GFPT2: variants seen among roughly 807,000 people sequenced by gnomAD.
GFPT2 encodes the protein glutamine--fructose-6-phosphate aminotransferase [isomerizing] 2.
GFPT2 carries 62 observed loss-of-function variants against 85.6 expected under a neutral mutation model. That is an observed-to-expected ratio of 0.72 (90% CI 0.59 to 0.90). The LOEUF is 0.90. Ranked by LOEUF, GFPT2 falls within the 40% of genes least tolerant of loss-of-function variation. The pLI is 0.00. For missense variants in GFPT2, 788 were observed against 893.4 expected, an observed-to-expected ratio of 0.88 and a Z score of 1.50; for synonymous variants, 368 against 344.5, an observed-to-expected ratio of 1.07 and a Z score of -0.75.
intron 4 of GFPT2, among the ~76,000 whole-genome samples, chr5:180,332,099 C>G (rs1212881801): frequency 6.6e-6 from 1 of 152,228 alleles, no homozygotes; most frequent in Non-Finnish European, 1.5e-5. Flanking sequence ...TCTGGCATCC[C>G]CAGGCTCAGC....
intron 1 of GFPT2, among the ~76,000 whole-genome samples, chr5:180,343,446 G>C (rs1205809777): frequency 6.6e-6 from 1 of 152,260 alleles, no homozygotes; most frequent in African/African-American, 2.4e-5. Context: ...CAGGGGAGCT[G>C]ACTGCAGTGA....
intron 14 of GFPT2, among the ~76,000 whole-genome samples, chr5:180,313,352 G>C (rs1763932179): frequency 6.6e-6 from 1 of 151,684 alleles, no homozygotes; most frequent in Non-Finnish European, 1.5e-5. Context: ...AGCACTTTGG[G>C]AGGCCGAGGC....
chr5:180,331,197 T>C (rs1484073795), intron 5 of GFPT2, among the ~76,000 whole-genome samples: 1 of 152,260 alleles, frequency 6.6e-6, no homozygotes. Context: ...TCCGCCGGTA[T>C]ACGAGTCGCT....
At chr5:180,329,406 T>C (rs1466918075) in intron 6 of GFPT2, among the ~76,000 whole-genome samples, 1 of 152,240 alleles carries the variant, frequency 6.6e-6, no homozygotes, top group Non-Finnish European at 1.5e-5. Context: ...AGCCCGGTAC[T>C]GTCCCAGGTA....
intron 15 of GFPT2, 71 bp downstream of exon 15, chr5:180,312,359 G>A (rs1239794881): frequency 1.2e-6 from 1 of 821,626 alleles, no homozygotes; most frequent in Non-Finnish European, 2.2e-6. Flanking sequence ...GTACAGGTGA[G>A]AGTCAACAGA....
At position 180,304,575 on chromosome 5, in the gene GFPT2, G is replaced by T. The variant is rs184421560; in HGVS notation, c.1842+197C>A. Among the ~76,000 whole-genome samples, 237 of 152,366 alleles carry T rather than the reference G, an allele frequency of 1.6e-3. 2 individuals carry two copies. Among genetic ancestry groups the T allele is most frequent in the Middle Eastern group, 6.8e-3 (2 of 294 alleles). ...GTGGGTCCCTGGGCCCCACCAAAGA[G>T]CTGTGTGGGACAGCTGCGGGCTGAC... is the stretch of plus-strand genomic sequence containing the variant. On this transcript the variant is annotated intron_variant, in intron 17 of 18. Transcript: ENST00000253778.
chr5:180,321,855 C>T (rs1764129052), intron 9 of GFPT2, among the ~76,000 whole-genome samples: 1 of 152,236 alleles, frequency 6.6e-6, no homozygotes, highest in African/African-American at 2.4e-5. Flanking sequence ...GCGATCTCGG[C>T]TCACTGCAAG....
At chr5:180,304,727 G>T in intron 17 of GFPT2, 45 bp downstream of exon 17, 1 of 1,553,840 alleles carries the variant, frequency 6.4e-7, no homozygotes. Context: ...GCATGCATGG[G>T]GAAAAGCAGG....
At chr5:180,349,243 G>A (rs1014482825) in intron 1 of GFPT2, among the ~76,000 whole-genome samples, 1 of 151,960 alleles carries the variant, frequency 6.6e-6, no homozygotes, top group Admixed American at 6.5e-5. Flanking sequence ...GGAGTTCAAG[G>A]ATGCAGTGAG....
chr5:180,331,500 AT>A lies in GFPT2; in HGVS notation c.393del (p.Lys131AsnfsTer22), dbSNP rs1208402688. ...GIITNYKDLR[K>X]FLESKGYEFE... is the part of the protein sequence containing the mutation. ...ACCTAGGGGAAGCATCTTACCAGAA[AT>A]TTCCTCAGATCTTTGTAATTTGTGA... On this transcript the variant is annotated frameshift_variant, in exon 5 of 19. Coordinates refer to ENST00000253778, the MANE Select transcript of GFPT2 (RefSeq NM_005110.4). LOFTEE classifies it high-confidence loss of function. 1.9e-6 allele frequency: 3 copies of A among 1,577,104 alleles called. No homozygotes were observed. Among genetic ancestry groups the A allele is most frequent in the Admixed American group, 3.3e-5 (2 of 59,908 alleles).
At chr5:180,326,016 C>T (rs1177941211) in intron 7 of GFPT2, among the ~76,000 whole-genome samples, 4 of 148,006 alleles carry the variant, frequency 2.7e-5, no homozygotes, top group African/African-American at 9.9e-5. Context: ...CAAAGCGAGA[C>T]TCCATCTCTA....
chr5:180,317,504 A>C (rs992730276), intron 10 of GFPT2, among the ~76,000 whole-genome samples: 2 of 151,648 alleles, frequency 1.3e-5, no homozygotes, highest in Non-Finnish European at 2.9e-5. Flanking sequence ...TCACGCCTGT[A>C]ATCCCAGCAC....
chr5:180,314,100 C>T (rs566392277), intron 13 of GFPT2, 136 bp from the exon 14 acceptor site: 9 of 780,670 alleles, frequency 1.2e-5, no homozygotes, highest in Admixed American at 3.1e-5. Flanking sequence ...GAAAGGAAAA[C>T]GCTCGCTCAA....
intron 9 of GFPT2, among the ~76,000 whole-genome samples, chr5:180,322,139 A>G (rs910948320): frequency 2.6e-5 from 4 of 152,200 alleles, no homozygotes; most frequent in Non-Finnish European, 2.9e-5. Context: ...GGTAGAGTCA[A>G]TATTTTTTAA....
chr5:180,325,846 G>A (rs950110213), intron 7 of GFPT2, among the ~76,000 whole-genome samples: 6 of 152,146 alleles, frequency 3.9e-5, no homozygotes, highest in Admixed American at 1.3e-4. Flanking sequence ...CCAACATGGC[G>A]GAACCCTGTC....
intron 1 of GFPT2, among the ~76,000 whole-genome samples, chr5:180,350,899 G>A (rs922625739): frequency 6.6e-6 from 1 of 152,180 alleles, no homozygotes; most frequent in Non-Finnish European, 1.5e-5. Context: ...AAGGGCCTTA[G>A]GTCTCCGCCC....
chr5:180,341,144 C>A (rs539456269), intron 1 of GFPT2, among the ~76,000 whole-genome samples: 5 of 152,290 alleles, frequency 3.3e-5, no homozygotes, highest in African/African-American at 1.2e-4. Context: ...AACCAAGAAT[C>A]CCCGACTCAG....
chr5:180,352,480 C>G (rs1446988581), intron 1 of GFPT2: 1 of 451,850 alleles, frequency 2.2e-6, no homozygotes, highest in African/African-American at 2.0e-5. Flanking sequence ...GCCCTCCCCA[C>G]GGTCCCGCAG....
Position 180,316,991 on chromosome 5 carries a change from T to G in GFPT2, c.1026A>C (p.Arg342Ser), listed in dbSNP as rs543334165. 6 of 1,610,310 alleles carry G rather than the reference T, an allele frequency of 3.7e-6. No individual in the cohort carries two copies. The South Asian group carries it at 6.6e-5, about 18-fold the overall frequency. The stretch of plus-strand genomic sequence containing the variant: ...TGTTGGTTTCAAAATTCACCCGACC[T>G]CTCATAGTATTGAAAACTGATTCTG... ...EQPESVFNTM[R>S]GRVNFETNTV... is the part of the protein sequence containing the mutation. Residue 342 changes from arginine to serine, a missense_variant, in exon 11 of 19, where the codon AGA becomes AGC. By Grantham distance (110) the Arg-to-Ser change is moderately radical. Coordinates refer to ENST00000253778, the MANE Select transcript of GFPT2 (RefSeq NM_005110.4).
Sources: allele counts gnomAD v4.1 joint callset (sites outside exome capture counted in the v4.1 genomes callset), GRCh38; gene constraint gnomAD v4.1.1; transcripts MANE v1.5; gene names NCBI Gene and HGNC (gene_info 2026-07-23, HGNC 2026-07-21).